Variants in TMPRSS15 observed in about 807,000 individuals in gnomAD.
TMPRSS15 encodes transmembrane serine protease 15.
In TMPRSS15, 128 loss-of-function variants were observed where a neutral mutation model predicts 125.3. That is an observed-to-expected ratio of 1.02 (90% CI 0.89 to 1.18). The LOEUF (loss-of-function observed/expected upper bound fraction) is 1.18. TMPRSS15 is among the 50% of genes most tolerant of loss of function. The pLI, the probability that TMPRSS15 is intolerant of heterozygous loss-of-function variation, is 0.00. For synonymous variants in TMPRSS15, 446 were observed against 423.2 expected (o/e 1.05, Z -0.66); for missense variants, 1,283 against 1,212.7 (o/e 1.06, Z -0.86).
At chr21:18,390,034 C>A (rs540966450) in intron 3 of TMPRSS15, among the ~76,000 whole-genome samples, 1 of 152,152 alleles carries the variant, frequency 6.6e-6, no homozygotes, top group Non-Finnish European at 1.5e-5. Context: ...TTCTTAGTAG[C>A]CCTCAATGCC....
At chr21:18,338,120 G>A (rs879650331) in intron 13 of TMPRSS15, among the ~76,000 whole-genome samples, 1 of 151,616 alleles carries the variant, frequency 6.6e-6, no homozygotes, top group African/African-American at 2.4e-5. Flanking sequence ...AGACTATAAG[G>A]GTCATATAGA....
rs748706392 is a variant in TMPRSS15 at position 18,398,311 on chromosome 21, C to G, written c.164G>C (p.Ser55Thr). 1.2e-6 allele frequency: 2 copies of G among 1,613,708 alleles called. No homozygotes were observed. The highest frequency in any genetic ancestry group is 2.2e-5 in the South Asian group (2 of 91,062). ...ESQRGAALGQ[S>T]HEARATFKIT... is the part of the protein sequence containing the mutation. ...TTTAAATGTCGCTCTGGCTTCATGA[C>G]TCTGTCCAAGTGCTGCACCTAGATA... Residue 55 changes from serine to threonine, a missense_variant, in exon 2 of 25, where the codon AGT becomes ACT. Transcript: ENST00000284885.
intron 21 of TMPRSS15, among the ~76,000 whole-genome samples, chr21:18,285,995 TGTGTAA>T (rs1277489463): frequency 6.6e-6 from 1 of 152,232 alleles, no homozygotes. Context: ...TATGCTTATT[TGTGTAA>T]GTGTAAGAAA....
chr21:18,372,682 A>G (rs2075803699), intron 5 of TMPRSS15, among the ~76,000 whole-genome samples: 1 of 152,230 alleles, frequency 6.6e-6, no homozygotes, highest in Non-Finnish European at 1.5e-5. Flanking sequence ...TAAAATTCCC[A>G]GTGCATTGTG....
upstream of TMPRSS15, among the ~76,000 whole-genome samples, chr21:18,404,827 G>A (rs996228215): frequency 1.3e-5 from 2 of 151,772 alleles, no homozygotes; most frequent in Non-Finnish European, 2.9e-5. Flanking sequence ...CCAAACTCAA[G>A]AATTTTTGCT....
intron 18 of TMPRSS15, among the ~76,000 whole-genome samples, chr21:18,306,518 T>C (rs1159954632): frequency 6.6e-6 from 1 of 152,218 alleles, no homozygotes; most frequent in Non-Finnish European, 1.5e-5. Flanking sequence ...TTGATGTTCC[T>C]GATATTTAGA....
At chr21:18,411,312 T>G (rs1243756997) in intron 1 of TMPRSS15, among the ~76,000 whole-genome samples, 1 of 152,106 alleles carries the variant, frequency 6.6e-6, no homozygotes, top group Non-Finnish European at 1.5e-5. Context: ...TGACACTTAC[T>G]AGGTATTCTT....
At chr21:18,471,453 T>G (rs1464156970) in intron 1 of TMPRSS15, among the ~76,000 whole-genome samples, 1 of 145,536 alleles carries the variant, frequency 6.9e-6, no homozygotes, top group African/African-American at 2.6e-5. Flanking sequence ...GAGGGATTGC[T>G]GTCTTCTTAA....
intron 10 of TMPRSS15, 59 bp from the exon 11 acceptor site, chr21:18,344,119 A>T: frequency 1.4e-6 from 2 of 1,398,916 alleles, no homozygotes; most frequent in Non-Finnish European, 2.0e-6. Flanking sequence ...ATTGTGTGAC[A>T]AGTAGACTTT....
chr21:18,355,606 C>T (rs1488943824), intron 8 of TMPRSS15, among the ~76,000 whole-genome samples: 2 of 151,750 alleles, frequency 1.3e-5, no homozygotes, highest in Non-Finnish European at 1.5e-5. Context: ...AGAGCAGGGG[C>T]TCCAGCATCA....
chr21:18,440,911 A>G (rs943432757), intron 1 of TMPRSS15, among the ~76,000 whole-genome samples: 1 of 152,216 alleles, frequency 6.6e-6, no homozygotes, highest in Non-Finnish European at 1.5e-5. Flanking sequence ...CTTCGATGTT[A>G]CAGAATGATC....
At chr21:18,384,671 T>C (rs1391542183) in intron 3 of TMPRSS15, among the ~76,000 whole-genome samples, 1 of 152,176 alleles carries the variant, frequency 6.6e-6, no homozygotes, top group East Asian at 1.9e-4. Flanking sequence ...ATAGCTCTGA[T>C]ATTTATTCTA....
At chr21:18,327,054 C>T (rs1374562730) in intron 15 of TMPRSS15, among the ~76,000 whole-genome samples, 1 of 152,090 alleles carries the variant, frequency 6.6e-6, no homozygotes, top group Middle Eastern at 3.2e-3. Context: ...AAACCTTTTG[C>T]CCTTAATCCC....
At chr21:18,336,696 G>A (rs903415948) in intron 13 of TMPRSS15, among the ~76,000 whole-genome samples, 3 of 152,112 alleles carry the variant, frequency 2.0e-5, no homozygotes, top group African/African-American at 7.2e-5. Context: ...GTCTTACTCT[G>A]TTGCCCAGAC....
At chr21:18,445,150 GTA>G (rs141702054) in intron 1 of TMPRSS15, among the ~76,000 whole-genome samples, 4 of 148,658 alleles carry the variant, frequency 2.7e-5, no homozygotes, top group African/African-American at 2.5e-5. Context: ...GTACTCCATT[GTA>G]TATATATATA....
rs57033426 is a variant in TMPRSS15 at position 18,463,246 on chromosome 21, C to CAAAAAAAAAAAAAAA, written c.10+22538_10+22552dup. On this transcript the variant is annotated intron_variant, in intron 1 of 7. Transcript: ENST00000422787. The stretch of plus-strand genomic sequence containing the variant: ...GAATATTTACCAAGCAAATGGAAAG[C>CAAAAAAAAAAAAAAA]AAAAAAAAAAAAAAAAAAAAAAAAA... Among the ~76,000 whole-genome samples the CAAAAAAAAAAAAAAA allele has an allele frequency of 2.0e-3, 23 of 11,524 alleles. 5 individuals carry two copies. Among genetic ancestry groups the CAAAAAAAAAAAAAAA allele is most frequent in the Non-Finnish European group, 3.2e-3 (19 of 5,912 alleles). The allele number at this position is 11,524 out of a possible 152,430, so 7.6% of individuals were successfully genotyped here.
chr21:18,321,257 T>C (rs2075231246), intron 16 of TMPRSS15, among the ~76,000 whole-genome samples: 1 of 151,458 alleles, frequency 6.6e-6, no homozygotes, highest in East Asian at 1.9e-4. Context: ...AAAAATACAC[T>C]ATACAATTGT....
At chr21:18,374,746 G>A (rs1569041512) in intron 5 of TMPRSS15, among the ~76,000 whole-genome samples, 1 of 152,110 alleles carries the variant, frequency 6.6e-6, no homozygotes, top group Non-Finnish European at 1.5e-5. Flanking sequence ...ACTTGAATAA[G>A]ACCACTCGAG....
At chr21:18,365,316 T>C in intron 6 of TMPRSS15, 68 bp from the exon 7 acceptor site, 1 of 1,209,066 alleles carries the variant, frequency 8.3e-7, no homozygotes, top group East Asian at 2.3e-5. Context: ...GCAAAACATT[T>C]CACAGAATAT....
Sources: gnomAD v4.1 joint callset for allele counts (sites outside exome capture counted in the v4.1 genomes callset) on GRCh38, gnomAD v4.1.1 for gene constraint, MANE v1.5 for transcripts, NCBI Gene and HGNC (gene_info 2026-07-23, HGNC 2026-07-21) for gene names.